The following CMBL variants were observed in gnomAD, a reference collection of about 807,000 sequenced individuals.
CMBL encodes carboxymethylenebutenolidase homolog.
A neutral mutation model predicts 28.7 loss-of-function variants in CMBL; 17 were observed. The ratio of observed to expected loss-of-function variants is 0.59; its 90% confidence interval spans 0.41 to 0.89. CMBL has a LOEUF of 0.89. Ranked by LOEUF, CMBL falls within the 40% of genes least tolerant of loss-of-function variation. The pLI, the probability that CMBL is intolerant of heterozygous loss-of-function variation, is 0.00. For synonymous variants in CMBL, 106 were observed against 101.6 expected (o/e 1.04, Z -0.26); for missense variants, 310 against 298.5 (o/e 1.04, Z -0.28).
Position 10,291,521 on chromosome 5 carries a change from C to T in CMBL, c.-19-740G>A, listed in dbSNP as rs1434824456. Among the ~76,000 whole-genome samples the T allele has an allele frequency of 3.3e-5, 5 of 151,864 alleles. No individual in the cohort carries two copies. In the East Asian group the frequency reaches 7.8e-4, roughly 24 times the overall value. On this transcript the variant is annotated intron_variant, in intron 1 of 5. Coordinates refer to ENST00000296658, the MANE Select transcript of CMBL (RefSeq NM_138809.4). ...ACTAAAAAACAAAAAATTAGCCGGGCGTGGTGGTGGGCGCCTGTAGTCCCA... is the reference window on the plus strand; with the variant it reads ...ACTAAAAAACAAAAAATTAGCCGGGTGTGGTGGTGGGCGCCTGTAGTCCCA...
At chr5:10,302,047 C>T (rs888818215) in intron 1 of CMBL, among the ~76,000 whole-genome samples, 6 of 152,146 alleles carry the variant, frequency 3.9e-5, no homozygotes, top group African/African-American at 7.2e-5. Context: ...CCGTGTGTGT[C>T]GAAGGCTGGA....
At chr5:10,303,746 G>A (rs62362618) in intron 1 of CMBL, among the ~76,000 whole-genome samples, 69,328 of 151,944 alleles carry the variant, frequency 0.46, 18,310 homozygotes, top group Non-Finnish European at 0.61. Flanking sequence ...CTCATTATCC[G>A]CTCCTGACTC....
chr5:10,294,050 C>T (rs189482676), intron 1 of CMBL, among the ~76,000 whole-genome samples: 6 of 152,178 alleles, frequency 3.9e-5, no homozygotes, highest in Admixed American at 6.5e-5. Context: ...GGAGGAAGAG[C>T]GGTTGAGACA....
At chr5:10,286,278 TG>T in intron 4 of CMBL, 75 bp downstream of exon 4, 1 of 1,430,866 alleles carries the variant, frequency 7.0e-7, no homozygotes, top group Non-Finnish European at 9.6e-7. Flanking sequence ...TTACACTGGA[TG>T]GGGAGGCTTG....
At chr5:10,302,642 A>G (rs1308086910) in intron 1 of CMBL, among the ~76,000 whole-genome samples, 1 of 151,984 alleles carries the variant, frequency 6.6e-6, no homozygotes, top group Non-Finnish European at 1.5e-5. Flanking sequence ...AACATACCTC[A>G]TTATTCCCTC....
chr5:10,285,232 A>G (rs146619583), intron 4 of CMBL, among the ~76,000 whole-genome samples: 3,210 of 152,198 alleles, frequency 0.021, 107 homozygotes, highest in African/African-American at 0.071. Flanking sequence ...GCAGTGGCAC[A>G]ATCTTGGTTC....
chr5:10,283,109 A>G (rs1746529477), intron 4 of CMBL, among the ~76,000 whole-genome samples: 1 of 150,276 alleles, frequency 6.7e-6, no homozygotes, highest in Non-Finnish European at 1.5e-5. Flanking sequence ...AAAAAAAAAG[A>G]GGATTATAAG....
chr5:10,304,906 A>T (rs954254603), intron 1 of CMBL, among the ~76,000 whole-genome samples: 5 of 152,252 alleles, frequency 3.3e-5, no homozygotes. Flanking sequence ...TGGAGCTGGA[A>T]TCAGACAGCC....
At chr5:10,306,063 C>G (rs7736124) in intron 1 of CMBL, among the ~76,000 whole-genome samples, 1 of 151,964 alleles carries the variant, frequency 6.6e-6, no homozygotes, top group Non-Finnish European at 1.5e-5. Context: ...ATAAAAGTCA[C>G]GATTTCACCT....
At chr5:10,288,657 A>T in intron 2 of CMBL, 128 bp from the exon 3 acceptor site, 1 of 713,916 alleles carries the variant, frequency 1.4e-6, no homozygotes, top group Non-Finnish European at 2.4e-6. Flanking sequence ...AGTGGGTGTG[A>T]AGGCCAATTT....
chr5:10,284,550 A>C (rs992731267), intron 4 of CMBL, among the ~76,000 whole-genome samples: 4 of 152,172 alleles, frequency 2.6e-5, no homozygotes, highest in African/African-American at 9.7e-5. Flanking sequence ...TCTGTTTTTC[A>C]CTTTCAGTAC....
rs112577840 is a variant in CMBL at position 10,282,930 on chromosome 5, A to C, written c.467-642T>G. 6.0e-4 allele frequency among the ~76,000 whole-genome samples: 91 copies of C among 151,932 alleles called. 1 individual carries two copies. Among genetic ancestry groups the C allele is most frequent in the African/African-American group, 2.0e-3 (84 of 41,430 alleles). ...CATGGTGAAACCCTGTCTCTACTAAAAATACAAAAATTAGCTAGGTGTGGT... is the reference window on the plus strand; with the variant it reads ...CATGGTGAAACCCTGTCTCTACTAACAATACAAAAATTAGCTAGGTGTGGT... On this transcript the variant is annotated intron_variant, in intron 4 of 5. Transcript: ENST00000296658.
intron 1 of CMBL, among the ~76,000 whole-genome samples, chr5:10,295,361 AGATGTGAGCCACTGT>A (rs1249504757): frequency 6.6e-6 from 1 of 152,220 alleles, no homozygotes; most frequent in Non-Finnish European, 1.5e-5. Flanking sequence ...CTGGGATTAC[AGATGTGAGCCACTGT>A]GCCTGGCCAT....
rs1385913321 is a variant in CMBL, at chr5:10,278,402, A to C, written c.*2051T>G. Among the ~76,000 whole-genome samples, 14 of 151,880 alleles carry C rather than the reference A, an allele frequency of 9.2e-5. No homozygotes were observed. The highest frequency in any genetic ancestry group is 7.9e-4 in the Admixed American group (12 of 15,254). On this transcript the variant is annotated 3_prime_UTR_variant, in exon 6 of 6. Coordinates refer to ENST00000296658, the MANE Select transcript of CMBL (RefSeq NM_138809.4). ...CTTGACTTGTCCCACTGACCCCCACACCCACATGGACCATGCCGATATCCT... is the reference window on the plus strand; with the variant it reads ...CTTGACTTGTCCCACTGACCCCCACCCCCACATGGACCATGCCGATATCCT...
At chr5:10,280,714 A>C in intron 5 of CMBL, 82 bp from the exon 6 acceptor site, 1 of 1,146,058 alleles carries the variant, frequency 8.7e-7, no homozygotes. Context: ...TTCATAACAG[A>C]AATTTAACAT....
At chr5:10,283,280 G>A (rs1009191554) in intron 4 of CMBL, among the ~76,000 whole-genome samples, 2 of 152,162 alleles carry the variant, frequency 1.3e-5, no homozygotes, top group Non-Finnish European at 2.9e-5. Context: ...ATGTACCTTC[G>A]TTTACAAAGA....
At chr5:10,301,169 A>G (rs923502026) in intron 1 of CMBL, among the ~76,000 whole-genome samples, 2 of 152,134 alleles carry the variant, frequency 1.3e-5, no homozygotes, top group Non-Finnish European at 2.9e-5. Context: ...ATAGGGCAAA[A>G]GGGTATTATC....
At chr5:10,307,371 G>T (rs1322358506) in intron 1 of CMBL, 1 of 152,190 alleles carries the variant, frequency 6.6e-6, no homozygotes, top group East Asian at 1.9e-4. Flanking sequence ...TAAAATGCAT[G>T]GCGAAACACC....
chr5:10,284,567 C>G (rs1746562660), intron 4 of CMBL, among the ~76,000 whole-genome samples: 1 of 152,178 alleles, frequency 6.6e-6, no homozygotes, highest in South Asian at 2.1e-4. Flanking sequence ...GTACAGAATT[C>G]AATAAACTGC....
Sources: allele counts gnomAD v4.1 joint callset (sites outside exome capture counted in the v4.1 genomes callset), GRCh38; gene constraint gnomAD v4.1.1; transcripts MANE v1.5; gene names NCBI Gene and HGNC (gene_info 2026-07-23, HGNC 2026-07-21).